The following ZNF254 variants were observed in gnomAD, a reference collection of about 807,000 sequenced individuals.
The protein encoded by ZNF254 is CTD-2017D11.1.
In ZNF254, 10 loss-of-function variants were observed where a neutral mutation model predicts 12.4. The ratio of observed to expected loss-of-function variants is 0.80; its 90% CI spans 0.50 to 1.36. ZNF254 has a LOEUF of 1.36. Ranked by LOEUF, ZNF254 falls within the 40% of genes most tolerant of loss-of-function variation. The probability of loss-of-function intolerance (pLI) is 0.00; values close to 1 mark genes in which losing one functional copy is unlikely to be tolerated. For missense variants in ZNF254, 996 were observed against 763.9 expected (o/e 1.30, Z -3.58); for synonymous variants, 305 against 253.4 (o/e 1.20, Z -1.93).
chr19:24,118,664 C>G (rs1195648728), intron 3 of ZNF254, among the ~76,000 whole-genome samples: 1 of 151,952 alleles, frequency 6.6e-6, no homozygotes, highest in East Asian at 1.9e-4. Flanking sequence ...CCTTATCCCT[C>G]TATTAAATGT....
intron 1 of ZNF254, among the ~76,000 whole-genome samples, chr19:24,044,684 G>A (rs1025753874): frequency 1.3e-5 from 2 of 151,958 alleles, no homozygotes; most frequent in South Asian, 2.1e-4. Context: ...GAATATATTC[G>A]AAATATTACT....
At chr19:24,046,373 T>TTTTA (rs1555750840) in intron 2 of ZNF254, 1 of 95,508 alleles carries the variant, frequency 1.0e-5, no homozygotes, top group East Asian at 2.5e-4. Flanking sequence ...TTATTATTTT[T>TTTTA]TATATATATA....
rs28845585 is a variant in ZNF254, at chr19:24,040,447, C to A, written c.-189-5737C>A. Reference sequence around the variant, plus strand: ...GCAGATCCAATAATTGTTCCACAGTCATGAGAAAGTAAATAGAAACACAAC... The same window carrying A: ...GCAGATCCAATAATTGTTCCACAGTAATGAGAAAGTAAATAGAAACACAAC... On this transcript the variant is annotated intron_variant, in intron 1 of 4. Coordinates refer to the ZNF254 transcript ENST00000613065. Among the ~76,000 whole-genome samples, 753 of 152,280 alleles carry A rather than the reference C, an allele frequency of 4.9e-3. 4 individuals are homozygous for A. The highest frequency in any genetic ancestry group is 0.017 in the African/African-American group (727 of 41,558).
chr19:24,042,654 A>G (rs1317396797), intron 1 of ZNF254, among the ~76,000 whole-genome samples: 1 of 152,216 alleles, frequency 6.6e-6, no homozygotes, highest in East Asian at 1.9e-4. Context: ...CCGCGGCTTC[A>G]TTCTTGAAGT....
intron 1 of ZNF254, among the ~76,000 whole-genome samples, chr19:24,090,743 G>A (rs547602855): frequency 2.6e-5 from 4 of 152,034 alleles, no homozygotes; most frequent in Admixed American, 2.0e-4. Context: ...AGCTCACCTC[G>A]GTTTTTTAAC....
intron 3 of ZNF254, among the ~76,000 whole-genome samples, chr19:24,114,894 C>T (rs1438675532): frequency 6.6e-6 from 1 of 152,212 alleles, no homozygotes; most frequent in Non-Finnish European, 1.5e-5. Context: ...CAAAAGAAGA[C>T]ATTTATGCAG....
chr19:24,097,959 C>T (rs1052853448), intron 1 of ZNF254, among the ~76,000 whole-genome samples: 1 of 152,048 alleles, frequency 6.6e-6, no homozygotes, highest in African/African-American at 2.4e-5. Context: ...TAGACAACCT[C>T]ATTCAAACAC....
intron 1 of ZNF254, among the ~76,000 whole-genome samples, chr19:24,036,308 C>G (rs936755779): frequency 2.6e-5 from 4 of 152,050 alleles, no homozygotes; most frequent in Admixed American, 2.0e-4. Context: ...CCACCCGCCT[C>G]GGCCTCCCAA....
Position 24,126,519 on chromosome 19 carries a change from G to T in ZNF254, c.519G>T (p.Lys173Asn). The T allele has an allele frequency of 6.3e-7, 1 of 1,599,534 alleles. No individual in the cohort carries two copies. Among genetic ancestry groups the T allele is most frequent in the Non-Finnish European group, 8.5e-7 (1 of 1,175,614 alleles). Residue 173 changes from lysine (K) to asparagine (N), a missense_variant, in exon 4 of 4, where the codon AAG becomes AAT. Coordinates refer to ENST00000357002, the MANE Select transcript of ZNF254 (RefSeq NM_203282.4). ...AATTTTTAAATTCAAACAGACCTAA[G>T]ATAAGACATACTGAAAAGAAATCTT... ...FYKFLNSNRP[K>N]IRHTEKKSFK...
intron 2 of ZNF254, among the ~76,000 whole-genome samples, chr19:24,067,119 T>C (rs1971304141): frequency 6.6e-6 from 1 of 152,082 alleles, no homozygotes. Context: ...ATTTTTTTTC[T>C]TGGACCTGCC....
chr19:24,113,253 C>G (rs1973812163), intron 3 of ZNF254, among the ~76,000 whole-genome samples: 1 of 152,148 alleles, frequency 6.6e-6, no homozygotes, highest in Non-Finnish European at 1.5e-5. Flanking sequence ...GACCAATATC[C>G]TTGATGAACA....
intron 2 of ZNF254, among the ~76,000 whole-genome samples, chr19:24,047,462 C>T (rs2145262318): frequency 6.6e-6 from 1 of 151,858 alleles, no homozygotes; most frequent in Non-Finnish European, 1.5e-5. Context: ...AGAGACGAGG[C>T]CTCGCTATGT....
chr19:24,064,950 T>G (rs1018821861), intron 2 of ZNF254, among the ~76,000 whole-genome samples: 8 of 152,208 alleles, frequency 5.3e-5, no homozygotes, highest in African/African-American at 1.7e-4. Flanking sequence ...ATTTGACTTT[T>G]CTGTTCCGCT....
chr19:24,099,927 A>G (rs1774804504), intron 1 of ZNF254, among the ~76,000 whole-genome samples: 1 of 152,226 alleles, frequency 6.6e-6, no homozygotes, highest in East Asian at 1.9e-4. Context: ...GAATTACCAG[A>G]CATAATATAA....
upstream of ZNF254, chr19:24,087,177 A>G (rs1972071492): frequency 8.1e-7 from 1 of 1,232,404 alleles, no homozygotes; most frequent in Non-Finnish European, 1.2e-6. Flanking sequence ...GGCTTCCGGG[A>G]TATGGCGGGG....
chr19:24,062,204 G>A (rs1971104692), intron 2 of ZNF254, among the ~76,000 whole-genome samples: 1 of 152,078 alleles, frequency 6.6e-6, no homozygotes. Context: ...ATGGTACAGA[G>A]CATGTCTTCT....
chr19:24,091,846 A>C, intron 1 of ZNF254: 1 of 981,736 alleles, frequency 1.0e-6, no homozygotes, highest in Non-Finnish European at 1.2e-6. Flanking sequence ...ATGTGATGAA[A>C]CTTGGTACCT....
intron 1 of ZNF254, among the ~76,000 whole-genome samples, chr19:24,089,973 G>T (rs187592142): frequency 6.7e-5 from 10 of 150,252 alleles, no homozygotes; most frequent in East Asian, 5.9e-4. Context: ...GGTGGATCAC[G>T]AAGTCAGGAG....
chr19:24,077,110 A>G (rs1290264965), intron 2 of ZNF254, among the ~76,000 whole-genome samples: 1 of 152,180 alleles, frequency 6.6e-6, no homozygotes, highest in Non-Finnish European at 1.5e-5. Context: ...GCCAGGCTAA[A>G]TTGTGTATTC....
Sources: gnomAD v4.1 joint callset for allele counts (sites outside exome capture counted in the v4.1 genomes callset) on GRCh38, gnomAD v4.1.1 for gene constraint, MANE v1.5 for transcripts, NCBI Gene and HGNC (gene_info 2026-07-23, HGNC 2026-07-21) for gene names.